UNC50: variants seen among roughly 807,000 people sequenced by gnomAD.
UNC50 encodes unc-50 inner nuclear membrane RNA binding protein.
UNC50 carries 24 observed loss-of-function variants against 31.5 expected under a neutral mutation model. The ratio of observed to expected loss-of-function variants is 0.76; its 90% CI spans 0.55 to 1.07. UNC50 has a LOEUF of 1.07. Ranked by LOEUF, UNC50 falls within the 50% of genes least tolerant of loss-of-function variation. The pLI is 0.00. For missense variants in UNC50, 245 were observed against 304.2 expected, an observed-to-expected ratio of 0.81 and a Z score of 1.45; for synonymous variants, 118 against 114.7, an observed-to-expected ratio of 1.03 and a Z score of -0.18.
intron 3 of UNC50, among the ~76,000 whole-genome samples, chr2:98,614,915 A>C (rs1700896178): frequency 6.6e-6 from 1 of 152,222 alleles, no homozygotes; most frequent in Non-Finnish European, 1.5e-5. Context: ...CGTATTCTTA[A>C]TTGTACCCTT....
chr2:98,612,943 A>G (rs923717147), intron 3 of UNC50, among the ~76,000 whole-genome samples: 2 of 152,270 alleles, frequency 1.3e-5, no homozygotes, highest in African/African-American at 4.8e-5. Context: ...ACACAGAGAC[A>G]TGAAGTGGGC....
At chr2:98,612,023 T>C (rs1700841928) in intron 3 of UNC50, among the ~76,000 whole-genome samples, 1 of 137,266 alleles carries the variant, frequency 7.3e-6, no homozygotes, top group Non-Finnish European at 1.6e-5. Context: ...AGAAGGGTTC[T>C]CAGTCTGACT....
chr2:98,617,696 CT>C lies in UNC50; in HGVS notation c.644-471del, dbSNP rs1251124253. ...CAGTTCTTTTCTGAAGCCTGGGCTA[CT>C]AGTTGAGCTCACACCCTCTTAAAGT... On this transcript the variant is annotated intron_variant, in intron 5 of 5. Coordinates refer to ENST00000357765, the MANE Select transcript of UNC50 (RefSeq NM_014044.7). 1.4e-4 allele frequency among the ~76,000 whole-genome samples: 22 copies of C among 152,286 alleles called. 1 individual carries two copies. The highest frequency in any genetic ancestry group is 1.3e-3 in the Admixed American group (20 of 15,304).
Position 98,618,262 on chromosome 2 carries a change from C to T in UNC50, c.738C>T (p.Phe246=). Residue 246 remains phenylalanine (F), a synonymous_variant, in exon 6 of 6, where the codon TTC becomes TTT. Transcript: ENST00000357765. ...YGLSLALGWN[F]THTLCSFYKY... is the part of the protein sequence containing the mutation. Reference sequence around the variant, plus strand: ...TTTCCCTGGCACTGGGATGGAACTTCACCCATACTCTCTGTTCTTTCTATA... The same window carrying T: ...TTTCCCTGGCACTGGGATGGAACTTTACCCATACTCTCTGTTCTTTCTATA... 6.2e-7 allele frequency: 1 copy of T among 1,611,334 alleles called. No individual in the cohort carries two copies. Among genetic ancestry groups the T allele is most frequent in the Non-Finnish European group, 8.5e-7 (1 of 1,179,058 alleles).
rs185211574 is a variant in UNC50, at chr2:98,616,582, G to T, written c.643+49G>T. 15 of 1,486,978 alleles carry T rather than the reference G, an allele frequency of 1.0e-5. No individual in the cohort carries two copies. The Admixed American group carries it at 2.5e-4, about 25-fold the overall frequency. The allele number at this position is 1,486,978 out of a possible 1,614,324, so 92.1% of individuals were successfully genotyped here. On this transcript the variant is annotated intron_variant, in intron 5 of 5. Transcript: ENST00000357765. Reference sequence around the variant, plus strand: ...TTGGTTGAGAACATAGCAAGAGGGGGAAAGTTGTAACAGTAGTACAAACAG... The same window carrying T: ...TTGGTTGAGAACATAGCAAGAGGGGTAAAGTTGTAACAGTAGTACAAACAG...
chr2:98,616,624 C>A, intron 5 of UNC50, 91 bp downstream of exon 5: 1 of 897,388 alleles, frequency 1.1e-6, no homozygotes, highest in Non-Finnish European at 1.8e-6. Flanking sequence ...TTATGGAACA[C>A]TTACAGGCAC....
At chr2:98,616,758 C>A (rs1700929092) in intron 5 of UNC50, among the ~76,000 whole-genome samples, 1 of 152,206 alleles carries the variant, frequency 6.6e-6, no homozygotes, top group African/African-American at 2.4e-5. Flanking sequence ...GGTCATGCAG[C>A]TAGAAAATGG....
In UNC50 at chr2:98,618,194, A is replaced by T. The variant is rs1479110521; in HGVS notation, c.670A>T (p.Ile224Phe). The T allele has an allele frequency of 3.1e-6, 5 of 1,597,188 alleles. No individual in the cohort carries two copies. The African/African-American group carries it at 6.8e-5, about 22-fold the overall frequency. Residue 224 changes from isoleucine (I) to phenylalanine (F), a missense_variant, in exon 6 of 6, where the codon ATT (isoleucine) becomes TTT (phenylalanine). Transcript: ENST00000357765. ...SALPFLKNTVILLYPFAPLIL... is the reference protein window; with the variant it reads ...SALPFLKNTVFLLYPFAPLIL... ...ATTGCCATTTTTGAAAAATACAGTA[A>T]TTCTTCTGTATCCATTTGCACCTCT... is the stretch of plus-strand genomic sequence containing the variant.
intron 3 of UNC50, 96 bp from the exon 4 acceptor site, chr2:98,616,111 A>G: frequency 7.8e-7 from 1 of 1,277,474 alleles, no homozygotes; most frequent in African/African-American, 1.5e-5. Flanking sequence ...TTACTGGTAT[A>G]TCTCCAGAAT....
Position 98,618,127 on chromosome 2 carries a change from T to TA in UNC50, c.644-41_644-40insA, listed in dbSNP as rs758772260. On this transcript the variant is annotated intron_variant, in intron 5 of 5. Coordinates refer to ENST00000357765, the MANE Select transcript of UNC50 (RefSeq NM_014044.7). ...ATGTTCATTTATTAGTCATTTATTT[T>TA]TTTTTTTTTTTAAATCAGTTTGGAT... The TA allele has an allele frequency of 7.5e-4, 1,086 of 1,443,214 alleles. 3 individuals are homozygous for TA. The highest frequency in any genetic ancestry group is 2.8e-3 in the African/African-American group (179 of 62,992). 89.4% of individuals were successfully genotyped at this position (1,443,214 alleles called of 1,614,324 possible). A position where few individuals can be genotyped will look rare whatever the true frequency, so the allele number is the denominator to read the frequency against.
At chr2:98,613,775 A>AGAAAGG (rs1278204852) in intron 3 of UNC50, among the ~76,000 whole-genome samples, 1 of 152,260 alleles carries the variant, frequency 6.6e-6, no homozygotes, top group Non-Finnish European at 1.5e-5. Context: ...TGAATTAAAT[A>AGAAAGG]GAAAGGGATT....
intron 3 of UNC50, 23 bp downstream of exon 3, chr2:98,610,918 T>C (rs1489542068): frequency 6.2e-7 from 1 of 1,609,810 alleles, no homozygotes; most frequent in Non-Finnish European, 8.5e-7. Flanking sequence ...ACTTTGGTTT[T>C]TCAGATACTG....
chr2:98,616,439 C>G lies in UNC50; in HGVS notation c.549C>G (p.Ile183Met). The G allele has an allele frequency of 6.2e-7, 1 of 1,613,958 alleles. No individual in the cohort carries two copies. The highest frequency in any genetic ancestry group is 1.7e-4 in the Middle Eastern group (1 of 6,060). Reference protein sequence around the residue: ...FIQLFFINHVILTDTFIGYLV... With the variant: ...FIQLFFINHVMLTDTFIGYLV... ...CTGCGTCTCTTCTGGCAGATGTTATCCTGACAGACACATTTATTGGATATT... is the reference window on the plus strand; with the variant it reads ...CTGCGTCTCTTCTGGCAGATGTTATGCTGACAGACACATTTATTGGATATT... The change falls in exon 5 of 6, where the codon ATC becomes ATG. Residue 183 changes from isoleucine to methionine, a missense_variant. Transcript: ENST00000357765.
Position 98,616,508 on chromosome 2 carries a change from C to T in UNC50, c.618C>T (p.Ile206=). Reference sequence around the variant, plus strand: ...GGTTGGTTGCAGTTGGCTATTATATCTATGTAACTTTCCTGGGATACAGTG... The same window carrying T: ...GGTTGGTTGCAGTTGGCTATTATATTTATGTAACTTTCCTGGGATACAGTG... ...TLWLVAVGYY[I]YVTFLGYSAL... The change falls in exon 5 of 6, where the codon ATC becomes ATT. Residue 206 remains isoleucine, a synonymous_variant. Coordinates refer to ENST00000357765, the MANE Select transcript of UNC50 (RefSeq NM_014044.7). 1 of 1,613,700 alleles carries T rather than the reference C, an allele frequency of 6.2e-7. No homozygotes were observed. Among genetic ancestry groups the T allele is most frequent in the Non-Finnish European group, 8.5e-7 (1 of 1,179,782 alleles).
chr2:98,611,554 C>T (rs1440074989), intron 3 of UNC50, among the ~76,000 whole-genome samples: 1 of 152,178 alleles, frequency 6.6e-6, no homozygotes, highest in Non-Finnish European at 1.5e-5. Flanking sequence ...GGAGGACTTT[C>T]TGTCCCACAC....
chr2:98,618,303 A>G lies in UNC50; in HGVS notation c.779A>G (p.Ter260=). 1 of 1,589,118 alleles carries G rather than the reference A, an allele frequency of 6.3e-7. No homozygotes were observed. ...TCTTTCTATAAGTACAGAGTGAAAT[A>G]AAAAGTGAGAAGAAGATTCAATCGT... ...LCSFYKYRVK[*] is the part of the protein sequence containing the mutation. Residue 260 remains the stop codon, a stop_retained_variant, in exon 6 of 6, where the codon TAA becomes TGA. Coordinates refer to ENST00000357765, the MANE Select transcript of UNC50 (RefSeq NM_014044.7).
chr2:98,615,366 C>T (rs1199209245), intron 3 of UNC50, among the ~76,000 whole-genome samples: 1 of 152,194 alleles, frequency 6.6e-6, no homozygotes, highest in Non-Finnish European at 1.5e-5. Flanking sequence ...GCATCTTCAA[C>T]ATAACAGGTC....
chr2:98,612,305 G>C (rs1042090555), intron 3 of UNC50, among the ~76,000 whole-genome samples: 2 of 152,002 alleles, frequency 1.3e-5, no homozygotes, highest in Non-Finnish European at 2.9e-5. Flanking sequence ...TCCAATTTTT[G>C]AGATAATTAT....
At chr2:98,611,987 C>T (rs1205764003) in intron 3 of UNC50, among the ~76,000 whole-genome samples, 10 of 142,326 alleles carry the variant, frequency 7.0e-5, no homozygotes, top group African/African-American at 2.1e-4. Flanking sequence ...GCCCCCCCAC[C>T]GCCACACACA....
Sources: allele counts gnomAD v4.1 joint callset (sites outside exome capture counted in the v4.1 genomes callset), GRCh38; gene constraint gnomAD v4.1.1; transcripts MANE v1.5; gene names NCBI Gene and HGNC (gene_info 2026-07-23, HGNC 2026-07-21).